Variants in MEGF6 observed in about 807,000 individuals in gnomAD.
MEGF6 encodes multiple epidermal growth factor-like domains protein 6.
In MEGF6, 184 loss-of-function variants were observed where a neutral mutation model predicts 207.1. That is an observed-to-expected ratio of 0.89 (90% CI 0.79 to 1.00). MEGF6 has a LOEUF of 1.00. Ranked by LOEUF, MEGF6 falls within the 50% of genes least tolerant of loss-of-function variation. MEGF6 has a pLI of 0.00. For missense variants in MEGF6, 2,282 were observed against 2,202.9 expected (o/e 1.04, Z -0.72); for synonymous variants, 1,038 against 910.0 (o/e 1.14, Z -2.53).
intron 4 of MEGF6, among the ~76,000 whole-genome samples, chr1:3,570,967 C>A (rs1380451465): frequency 2.6e-5 from 4 of 152,174 alleles, no homozygotes; most frequent in Non-Finnish European, 5.9e-5. Context: ...ACACACACAC[C>A]ACAGCCCTAT....
At chr1:3,608,757 G>C (rs2794353) in intron 1 of MEGF6, among the ~76,000 whole-genome samples, 134,847 of 152,198 alleles carry the variant, frequency 0.89, 59,879 homozygotes, top group Non-Finnish European at 0.91. Flanking sequence ...ATCGGCCCCC[G>C]TCTCCCAGAC....
chr1:3,575,905 ACCC>A (rs1292101244), intron 4 of MEGF6, among the ~76,000 whole-genome samples: 3 of 151,918 alleles, frequency 2.0e-5, no homozygotes, highest in Admixed American at 6.6e-5. Context: ...CCCTGCCATG[ACCC>A]CCACTTCCCG....
chr1:3,607,292 C>A (rs1644263496), intron 1 of MEGF6, among the ~76,000 whole-genome samples: 1 of 152,100 alleles, frequency 6.6e-6, no homozygotes, highest in Admixed American at 6.5e-5. Context: ...CCGGCCCCTG[C>A]CCGCCTGGTG....
At chr1:3,525,115 G>GC (rs1641911915) in intron 4 of MEGF6, among the ~76,000 whole-genome samples, 1 of 152,098 alleles carries the variant, frequency 6.6e-6, no homozygotes, top group Non-Finnish European at 1.5e-5. Context: ...GTCAGCCTGG[G>GC]CCCCCCACAC....
At chr1:3,551,621 G>A (rs563924696) in intron 4 of MEGF6, among the ~76,000 whole-genome samples, 1 of 152,242 alleles carries the variant, frequency 6.6e-6, no homozygotes, top group African/African-American at 2.4e-5. Context: ...TCACAGGCTG[G>A]CTCTGACTTA....
Position 3,514,642 on chromosome 1 carries a change from C to T in MEGF6, c.761G>A (p.Ser254Asn). ...RRSPCANRNG[S>N]CMHRCQVVRG... ...GACCACCTGGCACCTGTGCATGCAG[C>T]TGCCGTTCCTGTTGGCACACGGGCT... The change falls in exon 7 of 37, where the codon AGC becomes AAC. Residue 254 changes from serine to asparagine, a missense_variant. Transcript: ENST00000356575. 6.3e-7 allele frequency: 1 copy of T among 1,581,738 alleles called. No homozygotes were observed.
chr1:3,522,484 C>A (rs543398818), intron 5 of MEGF6, among the ~76,000 whole-genome samples: 1 of 152,212 alleles, frequency 6.6e-6, no homozygotes, highest in African/African-American at 2.4e-5. Flanking sequence ...GCGAGCACCG[C>A]AGATTAAGCC....
At chr1:3,504,853 G>A (rs1488353058) in intron 17 of MEGF6, among the ~76,000 whole-genome samples, 1 of 152,160 alleles carries the variant, frequency 6.6e-6, no homozygotes, top group Non-Finnish European at 1.5e-5. Context: ...TGAGGAGGGA[G>A]CTGCTGCCCC....
intron 35 of MEGF6, among the ~76,000 whole-genome samples, chr1:3,491,662 C>G (rs1178192492): frequency 6.6e-6 from 1 of 151,874 alleles, no homozygotes; most frequent in African/African-American, 2.4e-5. Context: ...GCCTGGCGCC[C>G]GGCCTTTGCC....
the MEGF6 span, among the ~76,000 whole-genome samples, chr1:3,621,062 C>T: frequency 6.6e-6 from 1 of 152,244 alleles, no homozygotes; most frequent in Non-Finnish European, 1.5e-5. Flanking sequence ...CAGGATGGAA[C>T]ATGAAAGCGG....
rs1640912825 is a variant in MEGF6 at position 3,502,050 on chromosome 1, C to CCTCCTCACATGGGCTCCT, written c.2189-130_2189-129insAGGAGCCCATGTGAGGAG. On this transcript the variant is annotated intron_variant, in intron 17 of 36. Coordinates refer to ENST00000356575, the MANE Select transcript of MEGF6 (RefSeq NM_001409.4). The stretch of plus-strand genomic sequence containing the variant: ...TGGGCTCCTGGCGAGTGTGCCCCCC[C>CCTCCTCACATGGGCTCCT]GGCGCCTCCTCACATGGGCTCCTGG... The CCTCCTCACATGGGCTCCT allele has an allele frequency of 5.0e-4, 19 of 38,110 alleles. 1 individual carries two copies. The highest frequency in any genetic ancestry group is 3.5e-3 in the Admixed American group (6 of 1,718). The allele number at this position is 38,110 out of a possible 1,614,324, so 2.4% of individuals were successfully genotyped here. A position where few individuals can be genotyped will look rare whatever the true frequency, so the allele number is the denominator to read the frequency against.
chr1:3,514,306 C>T (rs932259911), intron 7 of MEGF6, among the ~76,000 whole-genome samples: 8 of 152,198 alleles, frequency 5.3e-5, no homozygotes, highest in Admixed American at 5.2e-4. Flanking sequence ...CCTGGGCTCC[C>T]TGGCTCACTC....
At chr1:3,599,320 G>A (rs1035041096) in intron 2 of MEGF6, among the ~76,000 whole-genome samples, 7 of 152,240 alleles carry the variant, frequency 4.6e-5, no homozygotes, top group African/African-American at 1.2e-4. Context: ...TCCAGGGCAG[G>A]AGGGTGACCC....
chr1:3,611,315 GGCGGCTCCCCGGAGCCTCC>G lies in MEGF6; in HGVS notation c.-66_-48del. 7.1e-7 allele frequency: 1 copy of G among 1,405,422 alleles called. No homozygotes were observed. 87.1% of individuals were successfully genotyped at this position (1,405,422 alleles called of 1,614,324 possible). A position where few individuals can be genotyped will look rare whatever the true frequency, so the allele number is the denominator to read the frequency against. ...CGCTCTCCGGCTCACAGGCGGCCCC[GGCGGCTCCCCGGAGCCTCC>G]GCCTCCACGTGCGCCATAGGACGCA... On this transcript the variant is annotated 5_prime_UTR_variant, in exon 1 of 37. An upstream open reading frame in the 5' UTR loses its in-frame stop. Transcript: ENST00000356575.
intron 4 of MEGF6, among the ~76,000 whole-genome samples, chr1:3,540,854 C>T (rs751141289): frequency 2.6e-4 from 39 of 152,224 alleles, no homozygotes; most frequent in African/African-American, 7.5e-4. Context: ...GGAGTCCACT[C>T]GAACGCAGGA....
At chr1:3,590,647 T>G (rs1247042332) in intron 3 of MEGF6, among the ~76,000 whole-genome samples, 1 of 152,090 alleles carries the variant, frequency 6.6e-6, no homozygotes, top group Admixed American at 6.5e-5. Context: ...CGGCCGGGTG[T>G]CCAGGTCACA....
chr1:3,500,566 C>G, intron 21 of MEGF6, 67 bp downstream of exon 21: 2 of 1,484,164 alleles, frequency 1.3e-6, no homozygotes, highest in Non-Finnish European at 1.8e-6. Flanking sequence ...TGTGTGTGTG[C>G]ACGTGTGCAT....
Position 3,512,006 on chromosome 1 carries a change from G to A in MEGF6, c.976C>T (p.Arg326Trp), listed in dbSNP as rs201492163. ...AGCCTGTTGCCGGCTGCCCACTCAC[G>A]GTAGCACTGCCGGCCATCGGCGCCC... ...ELGADGRQCY[R>W]IEMEIVNSCE... The change falls in exon 8 of 37, where the codon CGG (arginine) becomes TGG (tryptophan). Residue 326 changes from arginine (R) to tryptophan (W), a missense_variant and splice_region_variant. Coordinates refer to ENST00000356575, the MANE Select transcript of MEGF6 (RefSeq NM_001409.4). The A allele has an allele frequency of 4.2e-5, 67 of 1,612,034 alleles. No individual in the cohort carries two copies. The highest frequency in any genetic ancestry group is 3.6e-4 in the Middle Eastern group (2 of 5,580).
chr1:3,553,418 C>A (rs1023844341), intron 4 of MEGF6, among the ~76,000 whole-genome samples: 1 of 152,140 alleles, frequency 6.6e-6, no homozygotes, highest in Non-Finnish European at 1.5e-5. Flanking sequence ...TCCCGCCCCC[C>A]ACCAGCCCCA....
Sources: gnomAD v4.1 joint callset for allele counts (sites outside exome capture counted in the v4.1 genomes callset) on GRCh38, gnomAD v4.1.1 for gene constraint, MANE v1.5 for transcripts, NCBI Gene and HGNC (gene_info 2026-07-23, HGNC 2026-07-21) for gene names.